The following TAFA5 variants were observed in gnomAD, a reference collection of about 807,000 sequenced individuals.
TAFA5 encodes chemokine-like protein TAFA-5.
Under a neutral mutation model 15.3 loss-of-function variants are expected in TAFA5, and 6 were observed. That is an observed-to-expected ratio of 0.39 (90% CI 0.21 to 0.77). The LOEUF is 0.77. Ranked by LOEUF, TAFA5 falls within the 30% of genes least tolerant of loss-of-function variation. The pLI, the probability that TAFA5 is intolerant of heterozygous loss-of-function variation, is 0.41. For missense variants in TAFA5, 161 were observed against 193.1 expected (o/e 0.83, Z 0.98); for synonymous variants, 103 against 80.7 (o/e 1.28, Z -1.48).
At chr22:48,501,683 T>C (rs945962369) in intron 1 of TAFA5, among the ~76,000 whole-genome samples, 4 of 152,174 alleles carry the variant, frequency 2.6e-5, no homozygotes, top group African/African-American at 9.7e-5. Flanking sequence ...GAACTGGGAC[T>C]GAGACACAGC....
chr22:48,691,140 C>T (rs2147238089), intron 2 of TAFA5, among the ~76,000 whole-genome samples: 1 of 152,308 alleles, frequency 6.6e-6, no homozygotes, highest in South Asian at 2.1e-4. Context: ...AGGCAAGCCT[C>T]AGGGCGGCCC....
chr22:48,695,318 C>T (rs567606132), intron 2 of TAFA5, among the ~76,000 whole-genome samples: 1 of 152,284 alleles, frequency 6.6e-6, no homozygotes, highest in Non-Finnish European at 1.5e-5. Context: ...AGAGCAGCCT[C>T]CCCAGCTCAG....
At chr22:48,713,456 C>G (rs957200475) in intron 3 of TAFA5, among the ~76,000 whole-genome samples, 2 of 152,238 alleles carry the variant, frequency 1.3e-5, no homozygotes, top group African/African-American at 4.8e-5. Context: ...AAAATGCTGT[C>G]TCTTCTCTCG....
rs541482747 is a variant in TAFA5 at position 48,613,961 on chromosome 22, C to T, written c.113-32636C>T. Among the ~76,000 whole-genome samples, 23 of 152,318 alleles carry T rather than the reference C, an allele frequency of 1.5e-4. No homozygotes were observed. The East Asian group carries it at 3.5e-3, about 23-fold the overall frequency. On this transcript the variant is annotated intron_variant, in intron 1 of 3. Coordinates refer to ENST00000402357, the MANE Select transcript of TAFA5 (RefSeq NM_001082967.3). ...AGCCCGCTTCCCACCACCCCCGGCT[C>T]GCGGCCCCTGCGAGATGGGATTCTG... is the stretch of plus-strand genomic sequence containing the variant.
At chr22:48,688,654 G>GTC in intron 2 of TAFA5, among the ~76,000 whole-genome samples, 1 of 152,276 alleles carries the variant, frequency 6.6e-6, no homozygotes. Context: ...TGAAAGGAGA[G>GTC]TCTTGACTTC....
intron 1 of TAFA5, among the ~76,000 whole-genome samples, chr22:48,597,227 C>T (rs1215854768): frequency 6.6e-6 from 1 of 152,214 alleles, no homozygotes; most frequent in African/African-American, 2.4e-5. Context: ...CCAGAGTGTC[C>T]CCAGGAACAC....
Position 48,634,207 on chromosome 22 carries a change from CTCAT to C in TAFA5, c.113-12388_113-12385del, listed in dbSNP as rs376326857. Among the ~76,000 whole-genome samples the C allele has an allele frequency of 6.0e-4, 92 of 152,232 alleles. No homozygotes were observed. The South Asian group carries it at 9.5e-3, about 16-fold the overall frequency. On this transcript the variant is annotated intron_variant, in intron 1 of 3. Transcript: ENST00000402357. ...CCACTCATCACTCACCCATCACTCACTCATTGACTAACTCACTTATTCACTCATT... is the reference window on the plus strand; with the variant it reads ...CCACTCATCACTCACCCATCACTCACTGACTAACTCACTTATTCACTCATT...
At position 48,633,817 on chromosome 22, in the gene TAFA5, C is replaced by T. The variant is rs1209267123; in HGVS notation, c.113-12780C>T. Reference sequence around the variant, plus strand: ...ATGAGGATATGGGAGGAAGCCAGAACGTGGAAACGGTGAAATACTGAGAAA... The same window carrying T: ...ATGAGGATATGGGAGGAAGCCAGAATGTGGAAACGGTGAAATACTGAGAAA... On this transcript the variant is annotated intron_variant, in intron 1 of 3. Coordinates refer to ENST00000402357, the MANE Select transcript of TAFA5 (RefSeq NM_001082967.3). 3.3e-5 allele frequency among the ~76,000 whole-genome samples: 5 copies of T among 152,260 alleles called. No homozygotes were observed. The East Asian group carries it at 7.7e-4, about 24-fold the overall frequency.
chr22:48,546,455 G>T, intron 1 of TAFA5: 1 of 470,648 alleles, frequency 2.1e-6, no homozygotes, highest in South Asian at 1.6e-5. Context: ...CTTGGAGCTT[G>T]TGGGGGAAAG....
chr22:48,571,574 G>GTTTTTTTTTTT (rs57578802), intron 1 of TAFA5, among the ~76,000 whole-genome samples: 1 of 29,234 alleles, frequency 3.4e-5, no homozygotes, highest in Non-Finnish European at 6.6e-5. Flanking sequence ...TGCCTGGCCT[G>GTTTTTTTTTTT]TTTTTTTTTT....
At chr22:48,703,692 G>A (rs912983078) in intron 2 of TAFA5, among the ~76,000 whole-genome samples, 2 of 152,252 alleles carry the variant, frequency 1.3e-5, no homozygotes, top group Non-Finnish European at 1.5e-5. Flanking sequence ...GAGCTTCGTG[G>A]TGGGCATGAG....
At chr22:48,678,851 G>A (rs981247479) in intron 2 of TAFA5, among the ~76,000 whole-genome samples, 1 of 143,832 alleles carries the variant, frequency 7.0e-6, no homozygotes, top group East Asian at 2.0e-4. Context: ...TTGGAAGCCT[G>A]TCTCTGAGTT....
intron 1 of TAFA5, among the ~76,000 whole-genome samples, chr22:48,571,584 T>TG: frequency 7.6e-6 from 1 of 130,720 alleles, no homozygotes; most frequent in Non-Finnish European, 1.6e-5. Context: ...GTTTTTTTTT[T>TG]TTTTTTTTTT....
Position 48,584,165 on chromosome 22 carries a change from TACAC to T in TAFA5, c.113-62427_113-62424del, listed in dbSNP as rs555029119. 4.8e-3 allele frequency among the ~76,000 whole-genome samples: 547 copies of T among 113,130 alleles called. 4 individuals carry two copies. Among genetic ancestry groups the T allele is most frequent in the African/African-American group, 0.018 (519 of 28,598 alleles). 74.2% of individuals were successfully genotyped at this position (113,130 alleles called of 152,430 possible). A position where few individuals can be genotyped will look rare whatever the true frequency, so the allele number is the denominator to read the frequency against. Reference sequence around the variant, plus strand: ...CCCCCACAAAACATCACATACATCATACACACACCACACACCACTCACCACACAA... The same window carrying T: ...CCCCCACAAAACATCACATACATCATACACCACACACCACTCACCACACAA... On this transcript the variant is annotated intron_variant, in intron 1 of 3. Coordinates refer to ENST00000402357, the MANE Select transcript of TAFA5 (RefSeq NM_001082967.3).
chr22:48,581,927 G>T (rs1924060539), intron 1 of TAFA5, among the ~76,000 whole-genome samples: 2 of 152,136 alleles, frequency 1.3e-5, no homozygotes, highest in Admixed American at 1.3e-4. Context: ...TGGCTGCACT[G>T]CGATCTGAGC....
At chr22:48,660,105 G>A (rs992403409) in intron 2 of TAFA5, among the ~76,000 whole-genome samples, 1 of 152,094 alleles carries the variant, frequency 6.6e-6, no homozygotes, top group Non-Finnish European at 1.5e-5. Context: ...ACCCTTCTAG[G>A]GGGCTGGGTA....
chr22:48,677,660 C>G (rs961516189), intron 2 of TAFA5, among the ~76,000 whole-genome samples: 1 of 152,158 alleles, frequency 6.6e-6, no homozygotes, highest in Non-Finnish European at 1.5e-5. Context: ...CACCCCTGAG[C>G]GCCAAGGCCC....
intron 1 of TAFA5, among the ~76,000 whole-genome samples, chr22:48,600,230 T>A (rs1474662994): frequency 1.3e-5 from 2 of 152,054 alleles, no homozygotes; most frequent in African/African-American, 2.4e-5. Flanking sequence ...TAAGTGAGGA[T>A]GTGGTGAAGG....
At chr22:48,565,757 C>G (rs1923387289) in intron 1 of TAFA5, among the ~76,000 whole-genome samples, 1 of 152,258 alleles carries the variant, frequency 6.6e-6, no homozygotes, top group Admixed American at 6.5e-5. Context: ...CCTTATGGGA[C>G]TAGAATTGCC....
Sources: gnomAD v4.1 joint callset for allele counts (sites outside exome capture counted in the v4.1 genomes callset) on GRCh38, gnomAD v4.1.1 for gene constraint, MANE v1.5 for transcripts, NCBI Gene and HGNC (gene_info 2026-07-23, HGNC 2026-07-21) for gene names.